The following ANK1 variants were observed in gnomAD, a reference collection of about 807,000 sequenced individuals.
ANK1 encodes the protein ankyrin 1, also known as ankyrin-1.
In ANK1, 51 loss-of-function variants were observed where a neutral mutation model predicts 210.4. The ratio of observed to expected loss-of-function variants is 0.24; its 90% CI spans 0.19 to 0.31. ANK1 has a LOEUF of 0.31. Among genes scored for constraint, ANK1 ranks in the 10% least tolerant of loss-of-function variants. The pLI is 1.00. For missense variants in ANK1, 2,051 were observed against 2,504.4 expected, an observed-to-expected ratio of 0.82 and a Z score of 3.86; for synonymous variants, 967 against 1,025.9, an observed-to-expected ratio of 0.94 and a Z score of 1.10.
chr8:41,849,819 T>C (rs1810876009), intron 1 of ANK1, among the ~76,000 whole-genome samples: 1 of 152,116 alleles, frequency 6.6e-6, no homozygotes. Context: ...TCTTAACTCT[T>C]TTTCACCAAC....
At chr8:41,812,604 C>G (rs552043493) in intron 1 of ANK1, among the ~76,000 whole-genome samples, 5 of 152,234 alleles carry the variant, frequency 3.3e-5, no homozygotes, top group African/African-American at 1.2e-4. Flanking sequence ...CTTCTTAGAG[C>G]TACTCTTGTG....
intron 16 of ANK1, among the ~76,000 whole-genome samples, chr8:41,712,759 T>C (rs1181666157): frequency 2.6e-5 from 4 of 152,212 alleles, no homozygotes; most frequent in Non-Finnish European, 5.9e-5. Context: ...GAAACTATTT[T>C]TTGCCATGGA....
Position 41,725,950 on chromosome 8 carries a change from G to T in ANK1, c.427-4C>A. On this transcript the variant is annotated splice_region_variant and splice_polypyrimidine_tract_variant and intron_variant, in intron 5 of 42. Coordinates refer to ENST00000289734, the MANE Select transcript of ANK1 (RefSeq NM_000037.4). ...CCGCCAGAGGCGTGAAGCCGTCCTG[G>T]CCAGAGGAGGAAAATGCTTTGCTCT... The T allele has an allele frequency of 6.2e-7, 1 of 1,612,930 alleles. No individual in the cohort carries two copies. The highest frequency in any genetic ancestry group is 8.5e-7 in the Non-Finnish European group (1 of 1,179,840).
intron 37 of ANK1, among the ~76,000 whole-genome samples, chr8:41,676,595 C>T (rs947397040): frequency 1.3e-5 from 2 of 152,140 alleles, no homozygotes; most frequent in African/African-American, 4.8e-5. Context: ...CCCAACTTGT[C>T]AATTTGTTCT....
intron 23 of ANK1, 21 bp downstream of exon 23, chr8:41,699,431 C>G (rs1822049587): frequency 6.2e-7 from 1 of 1,610,740 alleles, no homozygotes; most frequent in South Asian, 1.1e-5. Flanking sequence ...CCCCGGGGAC[C>G]CTCCCGGGAG....
chr8:41,681,999 T>C (rs907814299), intron 37 of ANK1, among the ~76,000 whole-genome samples: 10 of 152,192 alleles, frequency 6.6e-5, no homozygotes, highest in Non-Finnish European at 1.2e-4. Flanking sequence ...TGTGACCATC[T>C]GAAATCAACT....
chr8:41,811,827 T>A (rs1345395782), intron 1 of ANK1, among the ~76,000 whole-genome samples: 1 of 152,244 alleles, frequency 6.6e-6, no homozygotes, highest in Non-Finnish European at 1.5e-5. Flanking sequence ...TTATTATTAT[T>A]GTTAATTTCT....
At chr8:41,703,444 ATATATATTTTT>A (rs1823528038) in intron 20 of ANK1, among the ~76,000 whole-genome samples, 1 of 62,378 alleles carries the variant, frequency 1.6e-5, no homozygotes, top group Non-Finnish European at 3.0e-5. Context: ...ATATATATAT[ATATATATTTTT>A]TTTTTTTTTT....
intron 1 of ANK1, among the ~76,000 whole-genome samples, chr8:41,820,322 G>A (rs1804023450): frequency 1.6e-5 from 2 of 126,378 alleles, no homozygotes; most frequent in South Asian, 5.3e-4. Context: ...ACCACACCAA[G>A]CTAAATGTGT....
chr8:41,707,068 TCAGCCTA>T (rs1246942523), intron 17 of ANK1, among the ~76,000 whole-genome samples: 1 of 152,174 alleles, frequency 6.6e-6, no homozygotes, highest in Non-Finnish European at 1.5e-5. Context: ...CTACTGCACT[TCAGCCTA>T]GGTGACAGAG....
intron 20 of ANK1, 111 bp downstream of exon 20, chr8:41,703,930 G>A: frequency 9.9e-7 from 1 of 1,013,742 alleles, no homozygotes; most frequent in Non-Finnish European, 1.5e-6. Flanking sequence ...GGGTGCTGCG[G>A]CCCCGTCCAG....
intron 1 of ANK1, among the ~76,000 whole-genome samples, chr8:41,850,045 C>G (rs573243559): frequency 6.6e-6 from 1 of 152,016 alleles, no homozygotes; most frequent in Admixed American, 6.5e-5. Context: ...GCCCTGCGAC[C>G]GCTCCCACAC....
intron 1 of ANK1, among the ~76,000 whole-genome samples, chr8:41,865,933 T>C (rs893492939): frequency 6.6e-6 from 1 of 152,182 alleles, no homozygotes; most frequent in Non-Finnish European, 1.5e-5. Flanking sequence ...AATGTGACAG[T>C]GCCACTCCAA....
At chr8:41,803,170 A>AGAGG (rs1323766874) in intron 1 of ANK1, among the ~76,000 whole-genome samples, 2 of 151,064 alleles carry the variant, frequency 1.3e-5, no homozygotes, top group African/African-American at 2.4e-5. Context: ...AGAGAAAAAG[A>AGAGG]GAGGGAGGGA....
intron 37 of ANK1, among the ~76,000 whole-genome samples, chr8:41,673,637 C>T (rs559382376): frequency 2.0e-5 from 3 of 152,272 alleles, no homozygotes; most frequent in Admixed American, 6.5e-5. Context: ...CAGGTCTGCC[C>T]GCCCCAAAAC....
intron 39 of ANK1, chr8:41,665,228 C>G: frequency 2.0e-6 from 3 of 1,520,160 alleles, no homozygotes; most frequent in Non-Finnish European, 2.6e-6. Context: ...GCTGAAGCAG[C>G]CCGGCCCAAG....
chr8:41,788,849 T>C (rs887921690), intron 1 of ANK1: 2 of 152,190 alleles, frequency 1.3e-5, no homozygotes, highest in Middle Eastern at 3.2e-3. Context: ...AAGACCAAAG[T>C]CTCAGGCTGA....
At chr8:41,749,228 G>A (rs1837032693) in intron 2 of ANK1, among the ~76,000 whole-genome samples, 1 of 151,778 alleles carries the variant, frequency 6.6e-6, no homozygotes, top group African/African-American at 2.4e-5. Flanking sequence ...CATGGTGCAT[G>A]GATCATTGTA....
chr8:41,672,233 T>C, intron 38 of ANK1, 121 bp downstream of exon 38: 1 of 1,068,190 alleles, frequency 9.4e-7, no homozygotes, highest in Non-Finnish European at 1.3e-6. Context: ...TATGTGCTCC[T>C]GTGCAATTAG....
Sources: allele counts gnomAD v4.1 joint callset (sites outside exome capture counted in the v4.1 genomes callset), GRCh38; gene constraint gnomAD v4.1.1; transcripts MANE v1.5; gene names NCBI Gene and HGNC (gene_info 2026-07-23, HGNC 2026-07-21).